Variants in PTPRM observed in about 807,000 individuals in gnomAD.
PTPRM encodes the protein protein tyrosine phosphatase receptor type M.
PTPRM carries 47 observed loss-of-function variants against 186.7 expected under a neutral mutation model. That is an observed-to-expected ratio of 0.25 (90% CI 0.20 to 0.32). The LOEUF is 0.32. Among genes scored for constraint, PTPRM ranks in the 10% least tolerant of loss-of-function variants. The pLI, the probability that PTPRM is intolerant of heterozygous loss-of-function variation, is 1.00. For synonymous variants in PTPRM, 668 were observed against 674.9 expected (o/e 0.99, Z 0.16); for missense variants, 1,494 against 1,865.0 (o/e 0.80, Z 3.66).
chr18:7,850,133 T>C (rs1249962036), intron 2 of PTPRM, among the ~76,000 whole-genome samples: 1 of 152,202 alleles, frequency 6.6e-6, no homozygotes, highest in Non-Finnish European at 1.5e-5. Context: ...CATGTACCAA[T>C]ATGTCAGTCT....
At chr18:7,581,861 T>C (rs2036854716) in intron 1 of PTPRM, among the ~76,000 whole-genome samples, 1 of 152,086 alleles carries the variant, frequency 6.6e-6, no homozygotes, top group South Asian at 2.1e-4. Context: ...CTTCTCGTTA[T>C]GTTGCCCAGA....
At chr18:8,297,727 G>A (rs188559575) in intron 20 of PTPRM, among the ~76,000 whole-genome samples, 48 of 152,332 alleles carry the variant, frequency 3.2e-4, no homozygotes, top group African/African-American at 1.1e-3. Flanking sequence ...AAACTGGGGG[G>A]TAGAGTGGAG....
chr18:8,052,855 C>T (rs1262013434), intron 7 of PTPRM, among the ~76,000 whole-genome samples: 1 of 152,148 alleles, frequency 6.6e-6, no homozygotes, highest in Non-Finnish European at 1.5e-5. Flanking sequence ...TATTACCAGA[C>T]TTTCTAATTT....
At chr18:8,148,635 C>T (rs1055957414) in intron 14 of PTPRM, among the ~76,000 whole-genome samples, 2 of 151,716 alleles carry the variant, frequency 1.3e-5, no homozygotes, top group Admixed American at 6.6e-5. Context: ...AAGGGTTTTT[C>T]GTGTCTGTAT....
At chr18:8,139,303 C>G (rs781717392) in intron 13 of PTPRM, among the ~76,000 whole-genome samples, 2 of 152,188 alleles carry the variant, frequency 1.3e-5, no homozygotes, top group Non-Finnish European at 2.9e-5. Flanking sequence ...ATCGGCAAAA[C>G]TGATGGCTGG....
At chr18:8,086,535 A>AT (rs1476896394) in intron 10 of PTPRM, among the ~76,000 whole-genome samples, 1 of 151,942 alleles carries the variant, frequency 6.6e-6, no homozygotes, top group African/African-American at 2.4e-5. Context: ...ATTTTTTCCC[A>AT]TTTTTTCCCC....
chr18:8,122,812 G>C (rs2092222267), intron 13 of PTPRM, among the ~76,000 whole-genome samples: 1 of 152,176 alleles, frequency 6.6e-6, no homozygotes, highest in Admixed American at 6.5e-5. Context: ...AGGTGTTTAG[G>C]GTGGCAGTGT....
rs1360234935 is a variant in PTPRM at position 8,198,444 on chromosome 18, C to T, written c.2301-45614C>T. 6.6e-5 allele frequency among the ~76,000 whole-genome samples: 10 copies of T among 152,260 alleles called. No individual in the cohort carries two copies. The South Asian group carries it at 1.2e-3, about 19-fold the overall frequency. ...GATTACAGGCATGAACCATCACACCCGGCCAAAATTTTGCCGCTGATTTTT... is the reference window on the plus strand; with the variant it reads ...GATTACAGGCATGAACCATCACACCTGGCCAAAATTTTGCCGCTGATTTTT... On this transcript the variant is annotated intron_variant, in intron 14 of 32. Transcript: ENST00000580170.
At chr18:8,290,101 T>A (rs2095025833) in intron 19 of PTPRM, among the ~76,000 whole-genome samples, 1 of 152,156 alleles carries the variant, frequency 6.6e-6, no homozygotes, top group Non-Finnish European at 1.5e-5. Context: ...CAATAAATAG[T>A]TTATATGGGA....
At chr18:7,884,700 A>G (rs2048681039) in intron 2 of PTPRM, among the ~76,000 whole-genome samples, 1 of 152,024 alleles carries the variant, frequency 6.6e-6, no homozygotes, top group African/African-American at 2.4e-5. Context: ...AGGTGGGTGG[A>G]TTACCTGAGG....
chr18:7,980,050 C>G (rs8099540), intron 7 of PTPRM, among the ~76,000 whole-genome samples: 73,297 of 151,492 alleles, frequency 0.48, 17,801 homozygotes, highest in Non-Finnish European at 0.51. Flanking sequence ...CTATAATGCC[C>G]CTGAGCGTCT....
intron 2 of PTPRM, among the ~76,000 whole-genome samples, chr18:7,816,836 C>CAGT (rs1315130567): frequency 4.7e-4 from 71 of 152,290 alleles, no homozygotes; most frequent in African/African-American, 1.6e-3. Flanking sequence ...TTACAATGAT[C>CAGT]AGTAACACAC....
At chr18:7,973,953 A>G (rs1173471250) in intron 7 of PTPRM, among the ~76,000 whole-genome samples, 1 of 150,630 alleles carries the variant, frequency 6.6e-6, no homozygotes, top group African/African-American at 2.4e-5. Context: ...GTATTTAGTC[A>G]GTGAGATTCT....
intron 1 of PTPRM, among the ~76,000 whole-genome samples, chr18:7,664,827 T>C (rs1274756861): frequency 6.6e-6 from 1 of 152,234 alleles, no homozygotes. Flanking sequence ...TACAAAATAC[T>C]ATCTGCCACC....
At chr18:7,983,148 G>A (rs1181566496) in intron 7 of PTPRM, among the ~76,000 whole-genome samples, 4 of 152,128 alleles carry the variant, frequency 2.6e-5, no homozygotes, top group Non-Finnish European at 4.4e-5. Context: ...ACACCTGGCT[G>A]CACAGCAGGA....
chr18:7,630,230 C>T (rs1484397802), intron 1 of PTPRM, among the ~76,000 whole-genome samples: 1 of 151,934 alleles, frequency 6.6e-6, no homozygotes, highest in Non-Finnish European at 1.5e-5. Context: ...GAAGAGGGCT[C>T]CAGACATCTA....
intron 7 of PTPRM, among the ~76,000 whole-genome samples, chr18:7,994,829 A>G (rs1342874058): frequency 6.6e-6 from 1 of 152,172 alleles, no homozygotes; most frequent in East Asian, 1.9e-4. Context: ...AAGCAGTTCT[A>G]AGAGGGAAGT....
At chr18:7,834,436 TATGTATATGTAAATATAAGTA>T (rs2045918952) in intron 2 of PTPRM, among the ~76,000 whole-genome samples, 1 of 20,654 alleles carries the variant, frequency 4.8e-5, no homozygotes. Context: ...TAAATATAAG[TATGTATATGTAAATATAAGTA>T]TGTATATATA....
At position 8,380,279 on chromosome 18, in the gene PTPRM, CTTG is replaced by C. The variant is rs752244333; in HGVS notation, c.3787-14_3787-12del. On this transcript the variant is annotated splice_polypyrimidine_tract_variant and intron_variant, in intron 28 of 32. Coordinates refer to ENST00000580170, the MANE Select transcript of PTPRM (RefSeq NM_001105244.2). ...TTTTCCTGAGTATATTTGGAGCATT[CTTG>C]TTTGTGTTTGCAGAGCTATAAACAG... 1 of 1,611,484 alleles carries C rather than the reference CTTG, an allele frequency of 6.2e-7. No individual in the cohort carries two copies. The highest frequency in any genetic ancestry group is 1.1e-5 in the South Asian group (1 of 90,964).
Sources: allele counts gnomAD v4.1 joint callset (sites outside exome capture counted in the v4.1 genomes callset), GRCh38; gene constraint gnomAD v4.1.1; transcripts MANE v1.5; gene names NCBI Gene and HGNC (gene_info 2026-07-23, HGNC 2026-07-21).